GRID2: variants seen among roughly 807,000 people sequenced by gnomAD.
GRID2 encodes the protein glutamate receptor ionotropic, delta-2.
A neutral mutation model predicts 114.8 loss-of-function variants in GRID2; 33 were observed. That is an observed-to-expected ratio of 0.29 (90% CI 0.22 to 0.38). The LOEUF is 0.38. Among genes scored for constraint, GRID2 ranks in the 10% least tolerant of loss-of-function variants. The probability of loss-of-function intolerance (pLI) is 1.00; values close to 1 mark genes in which losing one functional copy is unlikely to be tolerated. For missense variants in GRID2, 1,184 were observed against 1,257.7 expected (o/e 0.94, Z 0.89); for synonymous variants, 505 against 449.9 (o/e 1.12, Z -1.55).
At chr4:93,330,666 G>A (rs1442515877) in intron 8 of GRID2, among the ~76,000 whole-genome samples, 2 of 152,048 alleles carry the variant, frequency 1.3e-5, no homozygotes, top group African/African-American at 2.4e-5. Context: ...TACTGTGAAT[G>A]GGATGCACTT....
At position 92,743,795 on chromosome 4, in the gene GRID2, T is replaced by C. The variant is rs577856324; in HGVS notation, c.244+153509T>C. ...TGTATCTCATCTGCTATTCTCCTGC[T>C]AGTTCACTTTGTTACTGGAAATTAA... On this transcript the variant is annotated intron_variant, in intron 2 of 15. Coordinates refer to ENST00000282020, the MANE Select transcript of GRID2 (RefSeq NM_001510.4). Among the ~76,000 whole-genome samples the C allele has an allele frequency of 3.3e-5, 5 of 152,330 alleles. No homozygotes were observed. In the South Asian group the frequency reaches 1.0e-3, roughly 32 times the overall value.
intron 10 of GRID2, among the ~76,000 whole-genome samples, chr4:93,426,126 A>G (rs1768822862): frequency 6.6e-6 from 1 of 152,200 alleles, no homozygotes; most frequent in Non-Finnish European, 1.5e-5. Flanking sequence ...AGTGGTAGGG[A>G]AAATAATAAA....
chr4:92,970,887 C>T (rs543756612), intron 2 of GRID2, among the ~76,000 whole-genome samples: 1 of 151,770 alleles, frequency 6.6e-6, no homozygotes, highest in South Asian at 2.1e-4. Flanking sequence ...CTACATGTTG[C>T]TTATCACTGG....
chr4:93,121,938 C>T (rs1007381100), intron 4 of GRID2, among the ~76,000 whole-genome samples: 6 of 151,896 alleles, frequency 4.0e-5, no homozygotes, highest in Admixed American at 2.6e-4. Flanking sequence ...TTATGGAGTG[C>T]CTGTTGAAGT....
At chr4:92,457,109 C>T (rs150633361) in intron 1 of GRID2, among the ~76,000 whole-genome samples, 12 of 152,124 alleles carry the variant, frequency 7.9e-5, no homozygotes, top group Non-Finnish European at 1.6e-4. Context: ...CTTGAGGTCA[C>T]TTTTTTGGTC....
At chr4:92,918,429 C>A in intron 2 of GRID2, among the ~76,000 whole-genome samples, 1 of 152,096 alleles carries the variant, frequency 6.6e-6, no homozygotes, top group Non-Finnish European at 1.5e-5. Context: ...TGTCTTGTAC[C>A]AGTTTTCAAA....
intron 8 of GRID2, among the ~76,000 whole-genome samples, chr4:93,285,597 T>C (rs1753071927): frequency 6.6e-6 from 1 of 152,022 alleles, no homozygotes; most frequent in African/African-American, 2.4e-5. Flanking sequence ...TTTCTATGTG[T>C]ACTATTTTTA....
At chr4:93,455,337 A>C (rs1723076643) in intron 10 of GRID2, among the ~76,000 whole-genome samples, 1 of 152,222 alleles carries the variant, frequency 6.6e-6, no homozygotes, top group African/African-American at 2.4e-5. Flanking sequence ...TTTACTGTTA[A>C]TGATTGCTTT....
chr4:93,421,028 T>G lies in GRID2; in HGVS notation c.1348-1743T>G, dbSNP rs377321768. The stretch of plus-strand genomic sequence containing the variant: ...TCGGTCTCCCAAAGTGCTGGGATAT[T>G]TCTTTCTTTCTTTCTTACATTCTAG... On this transcript the variant is annotated intron_variant, in intron 9 of 15. Transcript: ENST00000282020. 8.4e-4 allele frequency among the ~76,000 whole-genome samples: 128 copies of G among 151,964 alleles called. 1 individual carries two copies. The South Asian group carries it at 0.026, about 31-fold the overall frequency.
intron 1 of GRID2, among the ~76,000 whole-genome samples, chr4:92,399,659 C>CTA (rs1431602453): frequency 4.7e-4 from 66 of 139,310 alleles, no homozygotes; most frequent in African/African-American, 1.8e-3. Context: ...CTCTCTCTCT[C>CTA]TCTCTCTATA....
intron 2 of GRID2, among the ~76,000 whole-genome samples, chr4:92,940,952 C>T (rs1177682451): frequency 6.6e-6 from 1 of 152,124 alleles, no homozygotes; most frequent in Non-Finnish European, 1.5e-5. Context: ...TTTTGATGTG[C>T]TGCTGGATTC....
intron 3 of GRID2, among the ~76,000 whole-genome samples, chr4:93,103,428 T>A (rs1472961696): frequency 1.3e-5 from 2 of 152,124 alleles, no homozygotes; most frequent in Non-Finnish European, 2.9e-5. Flanking sequence ...AATTAAATAG[T>A]AACTAAAACA....
chr4:92,972,627 T>C (rs977611609), intron 2 of GRID2, among the ~76,000 whole-genome samples: 2 of 151,978 alleles, frequency 1.3e-5, no homozygotes, highest in Non-Finnish European at 2.9e-5. Context: ...TAATTTTAAG[T>C]TCAGGGGTGC....
chr4:92,504,623 C>T (rs1723861928), intron 1 of GRID2, among the ~76,000 whole-genome samples: 2 of 151,934 alleles, frequency 1.3e-5, no homozygotes, highest in African/African-American at 4.8e-5. Context: ...TAATAAGGTT[C>T]AGCCTCTTCA....
chr4:93,149,789 C>T (rs907092760), intron 4 of GRID2, among the ~76,000 whole-genome samples: 7 of 151,674 alleles, frequency 4.6e-5, no homozygotes, highest in Non-Finnish European at 7.4e-5. Flanking sequence ...CCATGCAACA[C>T]GACCTGGCTA....
intron 2 of GRID2, among the ~76,000 whole-genome samples, chr4:93,041,181 A>T (rs1051759328): frequency 6.6e-6 from 1 of 152,148 alleles, no homozygotes; most frequent in African/African-American, 2.4e-5. Context: ...AAATTAGCAA[A>T]TCTGATTTTG....
At chr4:92,550,432 A>C (rs1378524655) in intron 1 of GRID2, among the ~76,000 whole-genome samples, 1 of 152,218 alleles carries the variant, frequency 6.6e-6, no homozygotes, top group African/African-American at 2.4e-5. Flanking sequence ...GACACCTACC[A>C]TTAAATGTTA....
intron 2 of GRID2, among the ~76,000 whole-genome samples, chr4:93,070,190 TC>T (rs1478236796): frequency 6.6e-6 from 1 of 152,126 alleles, no homozygotes; most frequent in Non-Finnish European, 1.5e-5. Context: ...TGAAAAGCTG[TC>T]TTTTGCCACA....
intron 1 of GRID2, among the ~76,000 whole-genome samples, chr4:93,799,826 G>T (rs999578857): frequency 1.3e-5 from 2 of 152,064 alleles, no homozygotes; most frequent in East Asian, 1.9e-4. Context: ...TGTTTAAAAA[G>T]AAACATATTT....
Sources: allele counts gnomAD v4.1 joint callset (sites outside exome capture counted in the v4.1 genomes callset), GRCh38; gene constraint gnomAD v4.1.1; transcripts MANE v1.5; gene names NCBI Gene and HGNC (gene_info 2026-07-23, HGNC 2026-07-21).